The following PPFIBP2 variants were observed in gnomAD, a reference collection of about 807,000 sequenced individuals.
PPFIBP2 encodes PPFIB scaffold protein 2.
PPFIBP2 carries 118 observed loss-of-function variants against 118.3 expected under a neutral mutation model. The ratio of observed to expected loss-of-function variants is 1.00; its 90% CI spans 0.86 to 1.16. PPFIBP2 has a LOEUF of 1.16. Ranked by LOEUF, PPFIBP2 falls within the 50% of genes most tolerant of loss-of-function variation. The pLI, the probability that PPFIBP2 is intolerant of heterozygous loss-of-function variation, is 0.00. For synonymous variants in PPFIBP2, 414 were observed against 397.4 expected (o/e 1.04, Z -0.50); for missense variants, 1,195 against 1,073.1 (o/e 1.11, Z -1.59).
chr11:7,613,842 G>A (rs746970404), intron 6 of PPFIBP2, among the ~76,000 whole-genome samples: 1 of 152,174 alleles, frequency 6.6e-6, no homozygotes, highest in Non-Finnish European at 1.5e-5. Context: ...AAGGGAGCAG[G>A]GACCCCAGAT....
rs1859656623 is a variant in PPFIBP2 at position 7,593,198 on chromosome 11, G to A, written c.346G>A (p.Gly116Arg). ...CCAGGAACGCTTGGCACGTCTAGAA[G>A]GGGATAAGGAGTCCCTCATATTGCA... ...TYQERLARLE[G>R]DKESLILQVS... Residue 116 changes from glycine to arginine, a missense_variant, in exon 4 of 24, where the codon GGG becomes AGG. Coordinates refer to ENST00000299492, the MANE Select transcript of PPFIBP2 (RefSeq NM_003621.5). 1.9e-6 allele frequency: 3 copies of A among 1,613,886 alleles called. No individual in the cohort carries two copies. The highest frequency in any genetic ancestry group is 2.5e-6 in the Non-Finnish European group (3 of 1,179,956).
At chr11:7,612,646 G>A (rs771760425) in intron 6 of PPFIBP2, among the ~76,000 whole-genome samples, 4 of 152,068 alleles carry the variant, frequency 2.6e-5, no homozygotes, top group Non-Finnish European at 5.9e-5. Context: ...CATACATAAG[G>A]CGACGTAGAC....
rs142951626 is a variant in PPFIBP2 at position 7,653,376 on chromosome 11, G to A, written c.*158G>A. Reference sequence around the variant, plus strand: ...GCCAGTCTCTTTGAACCCTGAGGGTGGCCAGGATCTGGAGCTGCATCTCTA... The same window carrying A: ...GCCAGTCTCTTTGAACCCTGAGGGTAGCCAGGATCTGGAGCTGCATCTCTA... On this transcript the variant is annotated 3_prime_UTR_variant, in exon 24 of 24. Transcript: ENST00000299492. 1.0e-5 allele frequency: 15 copies of A among 1,483,200 alleles called. No individual in the cohort carries two copies. Among genetic ancestry groups the A allele is most frequent in the Non-Finnish European group, 1.3e-5 (15 of 1,120,836 alleles). 91.9% of individuals were successfully genotyped at this position (1,483,200 alleles called of 1,614,324 possible).
At chr11:7,654,785 G>T (rs1854531237), downstream of PPFIBP2, among the ~76,000 whole-genome samples, 1 of 152,222 alleles carries the variant, frequency 6.6e-6, no homozygotes, top group Admixed American at 6.5e-5. Context: ...GCATGGAACT[G>T]TTGTGCCACT....
intron 5 of PPFIBP2, among the ~76,000 whole-genome samples, chr11:7,607,279 C>G (rs1206250869): frequency 6.7e-6 from 1 of 149,932 alleles, no homozygotes; most frequent in Admixed American, 6.7e-5. Flanking sequence ...ATGATCACAG[C>G]TCACTGCAGC....
the PPFIBP2 span, chr11:7,666,426 T>C: frequency 1.4e-6 from 2 of 1,478,638 alleles, no homozygotes; most frequent in Non-Finnish European, 1.9e-6. Flanking sequence ...TGACCCATGG[T>C]GAGTGAGGGC....
chr11:7,623,480 A>G (rs936901067), intron 7 of PPFIBP2, among the ~76,000 whole-genome samples: 1 of 152,210 alleles, frequency 6.6e-6, no homozygotes, highest in African/African-American at 2.4e-5. Context: ...GATCGCTCAA[A>G]GGATAACAGA....
downstream of PPFIBP2, among the ~76,000 whole-genome samples, chr11:7,656,455 T>A (rs1266799891): frequency 2.6e-5 from 4 of 152,338 alleles, no homozygotes; most frequent in African/African-American, 9.6e-5. Context: ...GGCCCACCCA[T>A]GAAAGGAATC....
intron 13 of PPFIBP2, 59 bp from the exon 14 acceptor site, chr11:7,635,493 T>G (rs1851333095): frequency 6.6e-7 from 1 of 1,518,856 alleles, no homozygotes; most frequent in East Asian, 2.3e-5. Context: ...TGTTGCTGTT[T>G]GTGAATAACA....
At position 7,596,349 on chromosome 11, in the gene PPFIBP2, C is replaced by T. The variant is rs534494033; in HGVS notation, c.373-1211C>T. ...ATAAACACCCACCCACAAAGGTTTG[C>T]GTGTAAGGTGGACCAAGTTGATAGA... is the stretch of plus-strand genomic sequence containing the variant. On this transcript the variant is annotated intron_variant, in intron 4 of 23. Coordinates refer to ENST00000299492, the MANE Select transcript of PPFIBP2 (RefSeq NM_003621.5). 4.0e-5 allele frequency among the ~76,000 whole-genome samples: 6 copies of T among 149,510 alleles called. No individual in the cohort carries two copies. In the South Asian group the frequency reaches 6.3e-4, roughly 16 times the overall value.
At chr11:7,538,769 G>T (rs2134415788) in intron 1 of PPFIBP2, among the ~76,000 whole-genome samples, 1 of 152,318 alleles carries the variant, frequency 6.6e-6, no homozygotes, top group African/African-American at 2.4e-5. Flanking sequence ...GCGGGAAAAA[G>T]ACGCTAAGCA....
chr11:7,666,249 T>A, the PPFIBP2 span: 1 of 595,702 alleles, frequency 1.7e-6, no homozygotes, highest in Admixed American at 3.0e-5. Context: ...AGACACCTGC[T>A]CTCGATTGCC....
chr11:7,647,728 C>CT (rs1258797958), intron 17 of PPFIBP2, among the ~76,000 whole-genome samples: 2 of 152,206 alleles, frequency 1.3e-5, no homozygotes, highest in Admixed American at 6.5e-5. Context: ...ATGGGCAGTC[C>CT]TGACATCTGT....
chr11:7,552,562 G>A (rs1031900540), intron 2 of PPFIBP2, among the ~76,000 whole-genome samples: 1 of 152,166 alleles, frequency 6.6e-6, no homozygotes, highest in African/African-American at 2.4e-5. Context: ...CCACAGAGCT[G>A]TAGAGTAAAC....
In PPFIBP2 at chr11:7,639,832, G is replaced by C. The variant is rs1264694903; in HGVS notation, c.1337G>C (p.Cys446Ser). The C allele has an allele frequency of 1.2e-6, 2 of 1,614,158 alleles. No individual in the cohort carries two copies. Among genetic ancestry groups the C allele is most frequent in the Admixed American group, 3.3e-5 (2 of 60,014 alleles). Residue 446 changes from cysteine to serine, a missense_variant, in exon 15 of 24, where the codon TGC (cysteine) becomes TCC (serine). Cys to Ser is a moderately radical substitution (Grantham distance 112). Coordinates refer to ENST00000299492, the MANE Select transcript of PPFIBP2 (RefSeq NM_003621.5). ...GCTGCCAAATCTCCTCCCACCATCTGCCAGCCTGACGCCACGGGGAGCAGC... is the reference window on the plus strand; with the variant it reads ...GCTGCCAAATCTCCTCCCACCATCTCCCAGCCTGACGCCACGGGGAGCAGC... The part of the protein sequence containing the change: ...GEAAKSPPTI[C>S]QPDATGSSLL...
intron 3 of PPFIBP2, among the ~76,000 whole-genome samples, chr11:7,588,209 G>C (rs948023925): frequency 1.4e-4 from 21 of 152,174 alleles, no homozygotes; most frequent in African/African-American, 4.8e-4. Context: ...GGTAGGGACA[G>C]GACCTGGTTT....
At chr11:7,537,620 G>A (rs905136738) in intron 1 of PPFIBP2, among the ~76,000 whole-genome samples, 2 of 152,196 alleles carry the variant, frequency 1.3e-5, no homozygotes, top group Admixed American at 1.3e-4. Flanking sequence ...TCAGAAGGAA[G>A]GGAAAGAGCC....
At chr11:7,599,866 A>C (rs1464174524) in intron 5 of PPFIBP2, among the ~76,000 whole-genome samples, 5 of 145,718 alleles carry the variant, frequency 3.4e-5, no homozygotes, top group Non-Finnish European at 7.4e-5. Context: ...GGATGGTCTC[A>C]ATCTCCTGAC....
intron 1 of PPFIBP2, among the ~76,000 whole-genome samples, chr11:7,533,136 G>T (rs935956717): frequency 1.3e-5 from 2 of 151,844 alleles, no homozygotes; most frequent in African/African-American, 2.4e-5. Flanking sequence ...TTTCTCATTG[G>T]TCCTTCAGGA....
Sources: gnomAD v4.1 joint callset for allele counts (sites outside exome capture counted in the v4.1 genomes callset) on GRCh38, gnomAD v4.1.1 for gene constraint, MANE v1.5 for transcripts, NCBI Gene and HGNC (gene_info 2026-07-23, HGNC 2026-07-21) for gene names.